Variants in RBFOX1 observed in about 807,000 individuals in gnomAD.
RBFOX1 encodes RNA binding fox-1 homolog 1.
RBFOX1 carries 8 observed loss-of-function variants against 57.7 expected under a neutral mutation model. That is an observed-to-expected ratio of 0.14 (90% CI 0.08 to 0.25). RBFOX1 has a LOEUF of 0.25. Among genes scored for constraint, RBFOX1 ranks in the 10% least tolerant of loss-of-function variants. The pLI is 1.00. For missense variants in RBFOX1, 611 were observed against 548.5 expected (o/e 1.11, Z -1.14); for synonymous variants, 326 against 222.4 (o/e 1.47, Z -4.15).
At chr16:5,801,339 C>T (rs980418186) in intron 3 of RBFOX1, among the ~76,000 whole-genome samples, 1 of 119,578 alleles carries the variant, frequency 8.4e-6, no homozygotes, top group African/African-American at 3.1e-5. Context: ...CCCTCCCTCT[C>T]TCTTTTTTTT....
At chr16:5,249,937 G>T (rs949099280) in intron 1 of RBFOX1, among the ~76,000 whole-genome samples, 1 of 151,778 alleles carries the variant, frequency 6.6e-6, no homozygotes, top group Non-Finnish European at 1.5e-5. Context: ...AGGTTGCAGT[G>T]AGGAGGAGGT....
chr16:5,405,345 G>C (rs762998815), intron 1 of RBFOX1, among the ~76,000 whole-genome samples: 2 of 152,170 alleles, frequency 1.3e-5, no homozygotes, highest in Non-Finnish European at 2.9e-5. Flanking sequence ...TTCTCATGCT[G>C]TTCTCATGAT....
Position 7,711,013 on chromosome 16 carries a change from A to G in RBFOX1, c.*268A>G, listed in dbSNP as rs1332189562. On this transcript the variant is annotated 3_prime_UTR_variant, in exon 16 of 16. Coordinates refer to ENST00000550418, the MANE Select transcript of RBFOX1 (RefSeq NM_018723.4). ...TGTGGTTGATCTAGACAGATGCTAG[A>G]TAATGAATAAAAACTGGTTTAGGGC... is the stretch of plus-strand genomic sequence containing the variant. 1.8e-5 allele frequency: 6 copies of G among 330,286 alleles called. No individual in the cohort carries two copies. The highest frequency in any genetic ancestry group is 3.2e-5 in the Non-Finnish European group (6 of 187,506). 20.5% of individuals were successfully genotyped at this position (330,286 alleles called of 1,614,324 possible). A position where few individuals can be genotyped will look rare whatever the true frequency, so the allele number is the denominator to read the frequency against.
intron 3 of RBFOX1, among the ~76,000 whole-genome samples, chr16:6,761,796 C>A (rs1157593657): frequency 6.6e-6 from 1 of 151,924 alleles, no homozygotes; most frequent in Non-Finnish European, 1.5e-5. Context: ...TGAGCCACCA[C>A]GCCTGGCCCT....
chr16:5,784,982 A>T (rs1041210329), intron 3 of RBFOX1, among the ~76,000 whole-genome samples: 4 of 152,222 alleles, frequency 2.6e-5, no homozygotes, highest in African/African-American at 9.6e-5. Flanking sequence ...AGACTAAGAC[A>T]GGGAGGGACC....
chr16:5,298,369 A>C (rs1346212559), intron 1 of RBFOX1, among the ~76,000 whole-genome samples: 3 of 151,906 alleles, frequency 2.0e-5, no homozygotes, highest in African/African-American at 7.3e-5. Context: ...TGTTGGGGTA[A>C]ATAAGTCTAA....
At chr16:5,397,017 G>C (rs1336437816) in intron 1 of RBFOX1, among the ~76,000 whole-genome samples, 1 of 152,160 alleles carries the variant, frequency 6.6e-6, no homozygotes, top group Admixed American at 6.5e-5. Flanking sequence ...AGGTTGTCTG[G>C]CTTATAGGGG....
At chr16:5,972,899 G>A (rs1241025027) in intron 4 of RBFOX1, among the ~76,000 whole-genome samples, 1 of 152,168 alleles carries the variant, frequency 6.6e-6, no homozygotes, top group East Asian at 1.9e-4. Context: ...TTTCTGCAAG[G>A]TATGCTTTCC....
intron 4 of RBFOX1, among the ~76,000 whole-genome samples, chr16:5,878,707 GTT>G (rs147178332): frequency 0.19 from 29,180 of 152,000 alleles, 3,263 homozygotes; most frequent in African/African-American, 0.31. Context: ...AAAAAAAAGA[GTT>G]ATTGCAATTC....
chr16:5,477,939 G>T (rs1444402336), intron 2 of RBFOX1, among the ~76,000 whole-genome samples: 8 of 152,152 alleles, frequency 5.3e-5, no homozygotes, highest in African/African-American at 1.9e-4. Flanking sequence ...CCCAAATGCA[G>T]TTCTCCTTGG....
intron 3 of RBFOX1, among the ~76,000 whole-genome samples, chr16:6,769,637 G>A (rs1203073955): frequency 6.6e-6 from 1 of 152,150 alleles, no homozygotes; most frequent in African/African-American, 2.4e-5. Context: ...ATGACTGTTG[G>A]CTCTAATGTA....
At chr16:5,768,259 C>A (rs901606740) in intron 3 of RBFOX1, among the ~76,000 whole-genome samples, 1 of 152,136 alleles carries the variant, frequency 6.6e-6, no homozygotes, top group Non-Finnish European at 1.5e-5. Flanking sequence ...TTGGTAGAGG[C>A]ACCGTTGATT....
At chr16:5,323,133 A>G (rs988937269) in intron 1 of RBFOX1, among the ~76,000 whole-genome samples, 1 of 152,222 alleles carries the variant, frequency 6.6e-6, no homozygotes. Context: ...TGCTTTGAAA[A>G]TGCTTAGCAC....
intron 5 of RBFOX1, chr16:7,519,820 C>T: frequency 1.4e-6 from 1 of 714,148 alleles, no homozygotes; most frequent in Middle Eastern, 7.1e-4. Context: ...TAAAAGAAAA[C>T]ACTGACTAAC....
chr16:6,926,487 G>C lies in RBFOX1; in HGVS notation c.-15-125570G>C, dbSNP rs562740223. ...ATAGTAGGTTCAGTGGGTTGATTAA[G>C]TTAATGACATTTGTAGCGGTGTTAT... On this transcript the variant is annotated intron_variant, in intron 3 of 15. Transcript: ENST00000550418. Among the ~76,000 whole-genome samples, 42 of 152,250 alleles carry C rather than the reference G, an allele frequency of 2.8e-4. 1 individual carries two copies. The highest frequency in any genetic ancestry group is 1.0e-3 in the African/African-American group (42 of 41,530).
At chr16:5,297,144 A>G (rs944280677) in intron 1 of RBFOX1, among the ~76,000 whole-genome samples, 5 of 152,142 alleles carry the variant, frequency 3.3e-5, no homozygotes, top group Admixed American at 6.5e-5. Flanking sequence ...TATATTCCTT[A>G]TCCATTTATC....
intron 4 of RBFOX1, among the ~76,000 whole-genome samples, chr16:7,502,917 G>A (rs1017864919): frequency 1.3e-5 from 2 of 152,050 alleles, no homozygotes; most frequent in African/African-American, 2.4e-5. Flanking sequence ...TAGCTACTCG[G>A]GAGCCTGAGG....
At chr16:7,183,811 A>G (rs1216388135) in intron 4 of RBFOX1, among the ~76,000 whole-genome samples, 1 of 152,178 alleles carries the variant, frequency 6.6e-6, no homozygotes, top group Non-Finnish European at 1.5e-5. Context: ...GAGCTATTTA[A>G]TGCCTCCTAT....
At chr16:7,261,446 G>A (rs1249691830) in intron 4 of RBFOX1, among the ~76,000 whole-genome samples, 1 of 152,110 alleles carries the variant, frequency 6.6e-6, no homozygotes, top group South Asian at 2.1e-4. Flanking sequence ...GTTAAAAGTT[G>A]GATGCTTGTT....
Sources: allele counts gnomAD v4.1 joint callset (sites outside exome capture counted in the v4.1 genomes callset), GRCh38; gene constraint gnomAD v4.1.1; transcripts MANE v1.5; gene names NCBI Gene and HGNC (gene_info 2026-07-23, HGNC 2026-07-21).